ADTRP: variants seen among roughly 807,000 people sequenced by gnomAD.
The protein encoded by ADTRP is androgen dependent TFPI regulating protein, also known as androgen-dependent TFPI-regulating protein.
ADTRP carries 20 observed loss-of-function variants against 27.0 expected under a neutral mutation model. That is an observed-to-expected ratio of 0.74 (90% CI 0.52 to 1.08). ADTRP has a LOEUF of 1.08. Among genes scored for constraint, ADTRP ranks in the 50% least tolerant of loss-of-function variants. The pLI is 0.00. For missense variants in ADTRP, 251 were observed against 275.0 expected (o/e 0.91, Z 0.62); for synonymous variants, 101 against 105.2 (o/e 0.96, Z 0.25).
At chr6:11,729,209 T>C (rs1368121337) in intron 4 of ADTRP, among the ~76,000 whole-genome samples, 1 of 152,148 alleles carries the variant, frequency 6.6e-6, no homozygotes, top group Non-Finnish European at 1.5e-5. Context: ...AACCCTCAGG[T>C]CACGTCTTTC....
At chr6:11,717,188 C>A in intron 5 of ADTRP, 1 of 1,002,120 alleles carries the variant, frequency 1.0e-6, no homozygotes, top group Non-Finnish European at 1.3e-6. Context: ...GCATTTTTCC[C>A]AGTAGAAAGT....
chr6:11,766,061 C>T (rs1763560621), intron 3 of ADTRP, among the ~76,000 whole-genome samples: 1 of 152,314 alleles, frequency 6.6e-6, no homozygotes, highest in Non-Finnish European at 1.5e-5. Context: ...CAGACTCTCA[C>T]CTGGACATCT....
At chr6:11,766,938 A>G (rs1763592103) in intron 2 of ADTRP, among the ~76,000 whole-genome samples, 1 of 152,206 alleles carries the variant, frequency 6.6e-6, no homozygotes, top group African/African-American at 2.4e-5. Context: ...TTGTCAAAGC[A>G]TCTATCCTCT....
At chr6:11,755,771 AC>A (rs780068569) in intron 3 of ADTRP, among the ~76,000 whole-genome samples, 3 of 152,220 alleles carry the variant, frequency 2.0e-5, no homozygotes, top group Non-Finnish European at 4.4e-5. Context: ...ACAAGGAACC[AC>A]CCATCAACAA....
chr6:11,745,744 A>T (rs1762846403), intron 3 of ADTRP, among the ~76,000 whole-genome samples: 2 of 152,334 alleles, frequency 1.3e-5, no homozygotes, highest in South Asian at 4.1e-4. Context: ...TATTAAAAAC[A>T]TATAACTACA....
chr6:11,749,790 C>T lies in ADTRP; in HGVS notation c.391-14107G>A, dbSNP rs1762982435. 2.6e-5 allele frequency among the ~76,000 whole-genome samples: 4 copies of T among 152,160 alleles called. No homozygotes were observed. In the South Asian group the frequency reaches 6.2e-4, roughly 24 times the overall value. The stretch of plus-strand genomic sequence containing the variant: ...TCAGAATAAGAATAGATCCTAAGTA[C>T]AGGTCTGAGGGCAACACTCGGGTTA... On this transcript the variant is annotated intron_variant, in intron 3 of 5. Coordinates refer to ENST00000414691, the MANE Select transcript of ADTRP (RefSeq NM_032744.4).
chr6:11,741,883 G>C (rs2281126), intron 3 of ADTRP, among the ~76,000 whole-genome samples: 45,952 of 151,712 alleles, frequency 0.3, 8,221 homozygotes, highest in East Asian at 0.64. Flanking sequence ...CACACCTGCT[G>C]TCAGTGCTGA....
chr6:11,724,773 G>A (rs181674956), intron 4 of ADTRP, among the ~76,000 whole-genome samples: 1 of 152,288 alleles, frequency 6.6e-6, no homozygotes, highest in African/African-American at 2.4e-5. Context: ...GATCCAAACA[G>A]CATACACCTT....
In ADTRP at chr6:11,719,189, T is replaced by C. The variant is rs139792761; in HGVS notation, c.658+4160A>G. Among the ~76,000 whole-genome samples, 13 of 152,234 alleles carry C rather than the reference T, an allele frequency of 8.5e-5. No homozygotes were observed. The East Asian group carries it at 2.5e-3, about 29-fold the overall frequency. On this transcript the variant is annotated intron_variant, in intron 5 of 5. Transcript: ENST00000414691. ...TTGGGAGGAGTCCAGGGTCCTGAGA[T>C]GTAATAGAGCCTTGTCCTCAGACCA...
At chr6:11,771,870 A>G (rs79915120) in intron 1 of ADTRP, among the ~76,000 whole-genome samples, 2,764 of 152,314 alleles carry the variant, frequency 0.018, 36 homozygotes, top group Non-Finnish European at 0.028. Context: ...GGCCATCTGC[A>G]AGCCAAGGAC....
At chr6:11,715,548 A>G (rs1248235219) in intron 5 of ADTRP, among the ~76,000 whole-genome samples, 1 of 151,762 alleles carries the variant, frequency 6.6e-6, no homozygotes, top group East Asian at 1.9e-4. Context: ...ATCAATCTAG[A>G]CTACCCCAGT....
intron 3 of ADTRP, among the ~76,000 whole-genome samples, chr6:11,751,041 G>A (rs1446106913): frequency 6.6e-6 from 1 of 152,192 alleles, no homozygotes; most frequent in Non-Finnish European, 1.5e-5. Flanking sequence ...TTGTAGAGAT[G>A]GGCTTCGCCA....
intron 3 of ADTRP, among the ~76,000 whole-genome samples, chr6:11,759,434 A>G (rs1353980749): frequency 6.6e-6 from 1 of 152,170 alleles, no homozygotes; most frequent in Non-Finnish European, 1.5e-5. Flanking sequence ...TCTGTATCAT[A>G]CAATCTCTAT....
At chr6:11,741,373 C>T (rs1481687462) in intron 3 of ADTRP, among the ~76,000 whole-genome samples, 2 of 152,186 alleles carry the variant, frequency 1.3e-5, no homozygotes, top group Non-Finnish European at 2.9e-5. Context: ...TTCAACCTTG[C>T]TTTATGTTTG....
intron 4 of ADTRP, among the ~76,000 whole-genome samples, chr6:11,729,742 T>A (rs777776696): frequency 2.0e-5 from 3 of 152,294 alleles, no homozygotes; most frequent in Non-Finnish European, 2.9e-5. Flanking sequence ...TGAGGGCATA[T>A]CCTGAACCAA....
chr6:11,721,122 T>C (rs9348959), intron 5 of ADTRP, among the ~76,000 whole-genome samples: 114,107 of 152,108 alleles, frequency 0.75, 43,174 homozygotes, highest in East Asian at 0.92. Flanking sequence ...GGGGAAGCAC[T>C]GGGAAGGGCA....
chr6:11,743,932 C>T (rs1762790117), intron 3 of ADTRP, among the ~76,000 whole-genome samples: 1 of 152,112 alleles, frequency 6.6e-6, no homozygotes, highest in Non-Finnish European at 1.5e-5. Flanking sequence ...AAATGGCACG[C>T]CAAAGCTTGG....
In ADTRP at chr6:11,717,795, T is replaced by C. The variant is rs1160470334; in HGVS notation, c.659-3283A>G. Among the ~76,000 whole-genome samples the C allele has an allele frequency of 5.9e-5, 9 of 152,246 alleles. No homozygotes were observed. In the East Asian group the frequency reaches 1.5e-3, roughly 26 times the overall value. ...GAGGCTGAGGAAGAGGCAGGGAGGGTAATCCACAGCGGGCTCTTTTTGAGT... is the reference window on the plus strand; with the variant it reads ...GAGGCTGAGGAAGAGGCAGGGAGGGCAATCCACAGCGGGCTCTTTTTGAGT... On this transcript the variant is annotated intron_variant, in intron 5 of 5. Coordinates refer to ENST00000414691, the MANE Select transcript of ADTRP (RefSeq NM_032744.4).
At chr6:11,775,372 G>A (rs1763918690) in intron 1 of ADTRP, among the ~76,000 whole-genome samples, 1 of 151,842 alleles carries the variant, frequency 6.6e-6, no homozygotes, top group Admixed American at 6.6e-5. Flanking sequence ...CTACCCTATG[G>A]TTAGGTACTA....
Sources: allele counts gnomAD v4.1 joint callset (sites outside exome capture counted in the v4.1 genomes callset), GRCh38; gene constraint gnomAD v4.1.1; transcripts MANE v1.5; gene names NCBI Gene and HGNC (gene_info 2026-07-23, HGNC 2026-07-21).